CDC42BPB: variants seen among roughly 807,000 people sequenced by gnomAD.
CDC42BPB encodes serine/threonine-protein kinase MRCK beta.
CDC42BPB carries 37 observed loss-of-function variants against 214.9 expected under a neutral mutation model. That is an observed-to-expected ratio of 0.17 (90% CI 0.13 to 0.23). The LOEUF is 0.23. Among genes scored for constraint, CDC42BPB ranks in the 10% least tolerant of loss-of-function variants. CDC42BPB has a pLI of 1.00. For missense variants in CDC42BPB, 1,694 were observed against 2,227.0 expected (o/e 0.76, Z 4.82); for synonymous variants, 931 against 884.0 (o/e 1.05, Z -0.94).
At chr14:102,987,094 C>T (rs535955459) in intron 5 of CDC42BPB, among the ~76,000 whole-genome samples, 3 of 152,338 alleles carry the variant, frequency 2.0e-5, no homozygotes, top group East Asian at 1.9e-4. Context: ...CACAAAGAGA[C>T]GGCAGTGGCC....
intron 1 of CDC42BPB, among the ~76,000 whole-genome samples, chr14:103,046,030 C>T (rs909457662): frequency 1.3e-5 from 2 of 152,156 alleles, no homozygotes; most frequent in African/African-American, 4.8e-5. Flanking sequence ...AAAACCAGAA[C>T]TTAACTGCGC....
chr14:102,974,854 G>C (rs761994741), intron 11 of CDC42BPB, among the ~76,000 whole-genome samples: 10 of 152,232 alleles, frequency 6.6e-5, no homozygotes, highest in Non-Finnish European at 1.2e-4. Flanking sequence ...GCTGAGACAG[G>C]AGAATGGCGT....
intron 7 of CDC42BPB, among the ~76,000 whole-genome samples, chr14:102,981,648 C>T (rs556536323): frequency 6.6e-6 from 1 of 152,084 alleles, no homozygotes; most frequent in East Asian, 1.9e-4. Context: ...GGCGTGGTGG[C>T]GGCCTGTAAT....
At position 102,997,612 on chromosome 14, in the gene CDC42BPB, G is replaced by A. The variant is rs146949986; in HGVS notation, c.596+1953C>T. Reference sequence around the variant, plus strand: ...AAGGAAAACCAGATCGAGACTACCCGATGCATGTCCGGTACGGAGCTTCAT... The same window carrying A: ...AAGGAAAACCAGATCGAGACTACCCAATGCATGTCCGGTACGGAGCTTCAT... On this transcript the variant is annotated intron_variant, in intron 5 of 36. Transcript: ENST00000361246. 7.4e-3 allele frequency among the ~76,000 whole-genome samples: 1,128 copies of A among 152,290 alleles called. 9 individuals are homozygous for A. Among genetic ancestry groups the A allele is most frequent in the African/African-American group, 0.024 (1,017 of 41,548 alleles).
intron 19 of CDC42BPB, 85 bp downstream of exon 19, chr14:102,964,417 A>G: frequency 2.0e-6 from 3 of 1,501,264 alleles, no homozygotes; most frequent in Non-Finnish European, 2.7e-6. Flanking sequence ...CCAGGCGAGG[A>G]GCATCGGAGC....
In CDC42BPB at chr14:102,964,429, C is replaced by A. The variant is rs1429768980; in HGVS notation, c.2726+73G>T. On this transcript the variant is annotated intron_variant, in intron 19 of 36. Transcript: ENST00000361246. ...TTTCCAGGCGAGGAGCATCGGAGCC[C>A]GTGAGGCTCAGGGCGGGCTCGAGGC... is the stretch of plus-strand genomic sequence containing the variant. The A allele has an allele frequency of 1.9e-6, 3 of 1,548,016 alleles. No homozygotes were observed. In the Admixed American group the frequency reaches 5.8e-5, roughly 30 times the overall value.
At chr14:102,957,990 A>C (rs1892786806) in intron 21 of CDC42BPB, among the ~76,000 whole-genome samples, 1 of 152,260 alleles carries the variant, frequency 6.6e-6, no homozygotes. Flanking sequence ...CCCAGAGTGG[A>C]CATTCTGCAG....
At chr14:102,968,826 T>C in intron 14 of CDC42BPB, 110 bp from the exon 15 acceptor site, 5 of 1,535,336 alleles carry the variant, frequency 3.3e-6, no homozygotes, top group Non-Finnish European at 4.3e-6. Context: ...CCAAGGACTG[T>C]GTGTGCCTGG....
intron 1 of CDC42BPB, among the ~76,000 whole-genome samples, chr14:103,022,654 AGCT>A (rs1886834409): frequency 6.6e-6 from 1 of 152,218 alleles, no homozygotes; most frequent in Non-Finnish European, 1.5e-5. Context: ...CAACTGATCC[AGCT>A]GTTAGGGGGC....
intron 1 of CDC42BPB, among the ~76,000 whole-genome samples, chr14:103,019,856 A>C (rs528345829): frequency 1.3e-5 from 2 of 152,348 alleles, no homozygotes; most frequent in African/African-American, 4.8e-5. Context: ...CAAATATGAG[A>C]TCTAAACTGT....
At chr14:103,007,432 C>T (rs1419274806) in intron 3 of CDC42BPB, among the ~76,000 whole-genome samples, 1 of 152,202 alleles carries the variant, frequency 6.6e-6, no homozygotes, top group African/African-American at 2.4e-5. Flanking sequence ...TGGCAACCAT[C>T]ATGGGCAGCA....
Position 102,989,812 on chromosome 14 carries a change from T to A in CDC42BPB, c.597-3232A>T, listed in dbSNP as rs189609998. ...AGGCAGAGGTTGCAGTGAGCCGAGA[T>A]CGCACCACTGCGCGCCAGCCTGGGC... is the stretch of plus-strand genomic sequence containing the variant. On this transcript the variant is annotated intron_variant, in intron 5 of 36. Coordinates refer to ENST00000361246, the MANE Select transcript of CDC42BPB (RefSeq NM_006035.4). 3.3e-3 allele frequency among the ~76,000 whole-genome samples: 490 copies of A among 149,948 alleles called. 5 individuals are homozygous for A. Among genetic ancestry groups the A allele is most frequent in the African/African-American group, 0.012 (468 of 40,524 alleles).
At chr14:102,981,878 T>A (rs1566879195) in intron 7 of CDC42BPB, among the ~76,000 whole-genome samples, 2 of 152,024 alleles carry the variant, frequency 1.3e-5, no homozygotes. Flanking sequence ...ATATGTAACA[T>A]GATGCCACGT....
At position 102,946,412 on chromosome 14, in the gene CDC42BPB, G is replaced by A. The variant is rs540037071; in HGVS notation, c.3748+56C>T. On this transcript the variant is annotated intron_variant, in intron 28 of 36. Transcript: ENST00000361246. ...CTGATTTTCAGATGGGCACTGCAGC[G>A]CCGCCGGAAGTGCTGTTGCTTCAGA... 45 of 1,583,214 alleles carry A rather than the reference G, an allele frequency of 2.8e-5. No individual in the cohort carries two copies. In the Middle Eastern group the frequency reaches 6.3e-4, roughly 22 times the overall value.
chr14:102,990,634 G>A (rs1894451242), intron 5 of CDC42BPB, among the ~76,000 whole-genome samples: 1 of 152,162 alleles, frequency 6.6e-6, no homozygotes, highest in South Asian at 2.1e-4. Context: ...CAACCCCATA[G>A]TAATGCGCAT....
intron 1 of CDC42BPB, among the ~76,000 whole-genome samples, chr14:103,035,032 A>T (rs539798218): frequency 1.3e-5 from 2 of 152,092 alleles, no homozygotes; most frequent in South Asian, 4.1e-4. Flanking sequence ...CCACCATTCA[A>T]TAGGGGCAAC....
rs191861597 is a variant in CDC42BPB, at chr14:102,996,166, C to T, written c.596+3399G>A. Among the ~76,000 whole-genome samples, 248 of 152,088 alleles carry T rather than the reference C, an allele frequency of 1.6e-3. 2 individuals carry two copies. In the Middle Eastern group the frequency reaches 0.017, roughly 10 times the overall value. On this transcript the variant is annotated intron_variant, in intron 5 of 36. Transcript: ENST00000361246. ...CATTCTGGCTAACACGGTGAAACCC[C>T]ATCTCTACTAAAAATACAAAAAAAT...
chr14:103,044,471 G>C (rs1342573517), intron 1 of CDC42BPB, among the ~76,000 whole-genome samples: 1 of 151,428 alleles, frequency 6.6e-6, no homozygotes. Flanking sequence ...CCGGGTTCAG[G>C]CAATTCTCCC....
At position 102,974,373 on chromosome 14, in the gene CDC42BPB, TTACTC is replaced by T. The variant is rs1490511844; in HGVS notation, c.1508-229_1508-225del. The T allele has an allele frequency of 5.1e-6, 5 of 984,482 alleles. No homozygotes were observed. The Admixed American group carries it at 1.9e-4, about 36-fold the overall frequency. The allele number at this position is 984,482 out of a possible 1,614,324, so 61.0% of individuals were successfully genotyped here. On this transcript the variant is annotated intron_variant, in intron 11 of 36. Transcript: ENST00000361246. ...CTGTGCTGAACAGGCTCCCTAGACT[TTACTC>T]TGATCTGACAGCGATCTCCCCTGAG...
Sources: allele counts gnomAD v4.1 joint callset (sites outside exome capture counted in the v4.1 genomes callset), GRCh38; gene constraint gnomAD v4.1.1; transcripts MANE v1.5; gene names NCBI Gene and HGNC (gene_info 2026-07-23, HGNC 2026-07-21).